CSGALNACT1: variants seen among roughly 807,000 people sequenced by gnomAD.
The protein encoded by CSGALNACT1 is chondroitin sulfate N-acetylgalactosaminyltransferase 1, also known as beta4GalNAcT-1.
Under a neutral mutation model 51.0 loss-of-function variants are expected in CSGALNACT1, and 52 were observed. That is an observed-to-expected ratio of 1.02 (90% confidence interval 0.82 to 1.29). The LOEUF (loss-of-function observed/expected upper bound fraction) is 1.29. CSGALNACT1 is among the 50% of genes most tolerant of loss of function. The pLI is 0.00. For missense variants in CSGALNACT1, 935 were observed against 679.2 expected, an observed-to-expected ratio of 1.38 and a Z score of -4.19; for synonymous variants, 341 against 254.4, an observed-to-expected ratio of 1.34 and a Z score of -3.24.
intron 1 of CSGALNACT1, among the ~76,000 whole-genome samples, chr8:19,666,037 G>C (rs2059150878): frequency 6.6e-6 from 1 of 151,976 alleles, no homozygotes; most frequent in Non-Finnish European, 1.5e-5. Flanking sequence ...GTCCAGATTT[G>C]GGTTATTTTT....
chr8:19,461,757 A>G (rs377394779), intron 4 of CSGALNACT1, among the ~76,000 whole-genome samples: 2 of 150,260 alleles, frequency 1.3e-5, no homozygotes, highest in African/African-American at 4.9e-5. Flanking sequence ...CACATTCACC[A>G]TGGAGGGCGT....
chr8:19,531,127 C>T (rs2082689518), intron 3 of CSGALNACT1, among the ~76,000 whole-genome samples: 1 of 152,152 alleles, frequency 6.6e-6, no homozygotes, highest in Non-Finnish European at 1.5e-5. Flanking sequence ...AGACTAATTC[C>T]AGGGAGCTTG....
At chr8:19,710,668 T>C (rs1198431104) in intron 1 of CSGALNACT1, among the ~76,000 whole-genome samples, 1 of 152,206 alleles carries the variant, frequency 6.6e-6, no homozygotes, top group Non-Finnish European at 1.5e-5. Context: ...AATGAGAACA[T>C]GTTTGAAGGG....
At chr8:19,497,134 T>C (rs2075634836) in intron 4 of CSGALNACT1, among the ~76,000 whole-genome samples, 2 of 152,174 alleles carry the variant, frequency 1.3e-5, no homozygotes, top group Non-Finnish European at 2.9e-5. Context: ...ACGTGGTACC[T>C]GCCTAGGACT....
intron 4 of CSGALNACT1, among the ~76,000 whole-genome samples, chr8:19,493,529 C>G (rs75130946): frequency 2.6e-5 from 4 of 152,108 alleles, no homozygotes; most frequent in Non-Finnish European, 1.5e-5. Context: ...GGCAAACACT[C>G]GTCTATTCTC....
intron 3 of CSGALNACT1, among the ~76,000 whole-genome samples, chr8:19,513,436 C>CTATATATATATATATATATATATATATA (rs1554650175): frequency 1.2e-5 from 1 of 81,976 alleles, no homozygotes; most frequent in Non-Finnish European, 2.6e-5. Flanking sequence ...CTCTCTCTCT[C>CTATATATATATATATATATATATATATA]TATATATATA....
chr8:19,429,094 C>G (rs549122886), intron 6 of CSGALNACT1, among the ~76,000 whole-genome samples: 1 of 152,254 alleles, frequency 6.6e-6, no homozygotes, highest in South Asian at 2.1e-4. Flanking sequence ...CCTGGCAACT[C>G]TTAATCTACT....
chr8:19,559,469 A>T (rs908910330), intron 3 of CSGALNACT1, among the ~76,000 whole-genome samples: 2 of 152,182 alleles, frequency 1.3e-5, no homozygotes, highest in Non-Finnish European at 2.9e-5. Flanking sequence ...ATCAAATTAA[A>T]ACCTAGCCAG....
chr8:19,717,394 C>T (rs77828900), intron 1 of CSGALNACT1, among the ~76,000 whole-genome samples: 1,918 of 152,308 alleles, frequency 0.013, 13 homozygotes, highest in Non-Finnish European at 0.022. Flanking sequence ...AGTACAGACA[C>T]ATAACATAGC....
Position 19,594,196 on chromosome 8 carries a change from C to T in CSGALNACT1, c.-415-2918G>A, listed in dbSNP as rs200864638. ...AAAAACATGGACTGCTAGAGAACAT[C>T]AGTATTTAAGGCACGGAAAAGGAGA... On this transcript the variant is annotated intron_variant, in intron 2 of 9. Transcript: ENST00000454498. Among the ~76,000 whole-genome samples the T allele has an allele frequency of 3.9e-5, 6 of 152,132 alleles. No individual in the cohort carries two copies. In the East Asian group the frequency reaches 9.7e-4, roughly 25 times the overall value.
At chr8:19,746,491 G>C (rs974802666) in intron 1 of CSGALNACT1, among the ~76,000 whole-genome samples, 1 of 152,220 alleles carries the variant, frequency 6.6e-6, no homozygotes, top group South Asian at 2.1e-4. Context: ...ATTCCACTAA[G>C]TAGCTGGGTC....
At chr8:19,671,264 A>G (rs941072103) in intron 1 of CSGALNACT1, among the ~76,000 whole-genome samples, 2 of 152,176 alleles carry the variant, frequency 1.3e-5, no homozygotes, top group Non-Finnish European at 2.9e-5. Flanking sequence ...GCCCTCGACA[A>G]TATTCTCTGC....
chr8:19,720,316 C>T (rs960914278), intron 1 of CSGALNACT1, among the ~76,000 whole-genome samples: 1 of 152,208 alleles, frequency 6.6e-6, no homozygotes, highest in Non-Finnish European at 1.5e-5. Context: ...CCAGTCCACA[C>T]ATGGTTCTCA....
chr8:19,751,715 C>G (rs1177842930), intron 1 of CSGALNACT1, among the ~76,000 whole-genome samples: 1 of 152,106 alleles, frequency 6.6e-6, no homozygotes, highest in Non-Finnish European at 1.5e-5. Flanking sequence ...CCTTGCTGTT[C>G]TCGTGATAGA....
intron 5 of CSGALNACT1, among the ~76,000 whole-genome samples, chr8:19,451,553 G>C (rs1161404019): frequency 1.3e-5 from 2 of 152,150 alleles, no homozygotes; most frequent in Non-Finnish European, 2.9e-5. Flanking sequence ...CACCGTTCTA[G>C]AGCACAAAGA....
exon 6 of CSGALNACT1, chr8:19,439,917 T>G (rs1194426890): frequency 6.2e-7 from 1 of 1,614,014 alleles, no homozygotes; most frequent in South Asian, 1.1e-5. Flanking sequence ...CCCATCCTGC[T>G]CAATGCACAT....
In CSGALNACT1 at chr8:19,629,663, ATAAT is replaced by A. The variant is rs1271482409; in HGVS notation, c.-543-27802_-543-27799del. Among the ~76,000 whole-genome samples the A allele has an allele frequency of 3.9e-5, 6 of 152,182 alleles. No individual in the cohort carries two copies. The East Asian group carries it at 9.6e-4, about 24-fold the overall frequency. ...CCCTAATGGCATAAAACTGCATCAA[ATAAT>A]TAATTATGGTTGTTTTCCAGCTGTA... is the stretch of plus-strand genomic sequence containing the variant. On this transcript the variant is annotated intron_variant, in intron 1 of 9. Coordinates refer to the CSGALNACT1 transcript ENST00000332246.
chr8:19,712,316 C>T (rs1056519947), intron 1 of CSGALNACT1, among the ~76,000 whole-genome samples: 11 of 152,088 alleles, frequency 7.2e-5, no homozygotes, highest in African/African-American at 2.4e-4. Flanking sequence ...TGAGCCACCG[C>T]GCCTGGCCAG....
chr8:19,726,349 C>T (rs886634713), intron 1 of CSGALNACT1, among the ~76,000 whole-genome samples: 3 of 149,392 alleles, frequency 2.0e-5, no homozygotes, highest in Non-Finnish European at 2.9e-5. Context: ...TTGATAAATA[C>T]AGAACATTCA....
Sources: allele counts gnomAD v4.1 joint callset (sites outside exome capture counted in the v4.1 genomes callset), GRCh38; gene constraint gnomAD v4.1.1; transcripts MANE v1.5; gene names NCBI Gene and HGNC (gene_info 2026-07-23, HGNC 2026-07-21).